ARMC8: variants seen among roughly 807,000 people sequenced by gnomAD.
ARMC8 encodes the protein armadillo repeat-containing protein 8.
In ARMC8, 20 loss-of-function variants were observed where a neutral mutation model predicts 99.3. The observed-to-expected ratio is 0.20, with a 90% CI of 0.14 to 0.29. The LOEUF is 0.29. Ranked by LOEUF, ARMC8 falls within the 10% of genes least tolerant of loss-of-function variation. The pLI is 1.00. For missense variants in ARMC8, 569 were observed against 809.5 expected, an observed-to-expected ratio of 0.70 and a Z score of 3.60; for synonymous variants, 263 against 278.3, an observed-to-expected ratio of 0.95 and a Z score of 0.55.
chr3:138,191,346 A>G (rs1477858693), intron 1 of ARMC8, among the ~76,000 whole-genome samples: 3 of 152,208 alleles, frequency 2.0e-5, no homozygotes, highest in Non-Finnish European at 2.9e-5. Flanking sequence ...ATACTTTTGA[A>G]TTATGTTGAT....
chr3:138,221,704 T>C (rs1162586915), intron 2 of ARMC8, among the ~76,000 whole-genome samples: 1 of 152,144 alleles, frequency 6.6e-6, no homozygotes, highest in Non-Finnish European at 1.5e-5. Context: ...TGGAAGTCTT[T>C]CGCCAGTACT....
At chr3:138,234,971 G>A (rs2046253900) in intron 6 of ARMC8, 63 bp from the exon 7 acceptor site, 16 of 1,331,480 alleles carry the variant, frequency 1.2e-5, no homozygotes, top group Non-Finnish European at 1.6e-5. Context: ...TTAAGTAAAT[G>A]TGGTTTTATT....
At chr3:138,262,380 TA>T in intron 12 of ARMC8, 1 of 814,168 alleles carries the variant, frequency 1.2e-6, no homozygotes, top group East Asian at 2.5e-5. Flanking sequence ...TTACCATTCC[TA>T]ATCTACAGCT....
At chr3:138,238,268 T>G (rs894830493) in intron 9 of ARMC8, 1 of 152,244 alleles carries the variant, frequency 6.6e-6, no homozygotes, top group African/African-American at 2.4e-5. Context: ...GGTTTCACCA[T>G]GTTGGTCAGG....
chr3:138,187,291 A>ACCGCTGC (rs1261443699), upstream of ARMC8: 8 of 421,422 alleles, frequency 1.9e-5, no homozygotes, highest in African/African-American at 1.2e-4. Flanking sequence ...GCATGCGGAA[A>ACCGCTGC]CCGCTGCCCG....
Position 138,239,479 on chromosome 3 carries a change from T to C in ARMC8, c.788T>C (p.Met263Thr). 3 of 1,600,536 alleles carry C rather than the reference T, an allele frequency of 1.9e-6. No individual in the cohort carries two copies. Among genetic ancestry groups the C allele is most frequent in the African/African-American group, 1.3e-5 (1 of 74,626 alleles). The change falls in exon 10 of 22, where the codon ATG becomes ACG. Residue 263 changes from methionine (M) to threonine (T), a missense_variant. This residue lies in a region of ARMC8 where 342 missense variants were observed against 391.6 expected (regional missense o/e 0.87). Coordinates refer to ENST00000469044, the MANE Select transcript of ARMC8 (RefSeq NM_001363941.2). ...QLTSAKCLTYMCRAGAIRTDD... is the reference protein window; with the variant it reads ...QLTSAKCLTYTCRAGAIRTDD... Reference sequence around the variant, plus strand: ...CTGTCTTATTCCAGTTTAACTTACATGTGTAGAGCTGGAGCAATTCGGACA... The same window carrying C: ...CTGTCTTATTCCAGTTTAACTTACACGTGTAGAGCTGGAGCAATTCGGACA...
intron 1 of ARMC8, among the ~76,000 whole-genome samples, chr3:138,207,024 G>C (rs1223497127): frequency 1.3e-5 from 2 of 152,194 alleles, no homozygotes; most frequent in Non-Finnish European, 2.9e-5. Flanking sequence ...AGCCTTTTGT[G>C]TTTTACATCC....
rs1472868830 is a variant in ARMC8 at position 138,235,056 on chromosome 3, T to C, written c.551T>C (p.Leu184Ser). The change falls in exon 7 of 22, where the codon TTA (leucine) becomes TCA (serine). Residue 184 changes from leucine to serine, a missense_variant. Leu to Ser is a moderately radical substitution (Grantham distance 145, BLOSUM62 -2). Around this residue, in one of 2 missense-constraint regions of ARMC8, gnomAD observed 342 missense variants for 391.6 expected, o/e 0.87. Coordinates refer to ENST00000469044, the MANE Select transcript of ARMC8 (RefSeq NM_001363941.2). ...CAGGGGCCAGATCATCAAACAATTT[T>C]ATTTAACCACGGTGCAGTTCAGAAT... ...CCKGPDHQTI[L>S]FNHGAVQNIA... The C allele has an allele frequency of 2.5e-6, 4 of 1,613,938 alleles. No homozygotes were observed. The highest frequency in any genetic ancestry group is 3.4e-6 in the Non-Finnish European group (4 of 1,179,874).
intron 1 of ARMC8, among the ~76,000 whole-genome samples, chr3:138,202,618 TAAAG>T (rs1169266487): frequency 1.3e-5 from 2 of 152,204 alleles, no homozygotes; most frequent in Non-Finnish European, 2.9e-5. Flanking sequence ...ATTTTATTAT[TAAAG>T]AAACAGTCTC....
At chr3:138,188,653 G>T in intron 1 of ARMC8, 3 of 1,308,348 alleles carry the variant, frequency 2.3e-6, no homozygotes, top group Non-Finnish European at 3.3e-6. Context: ...TAAATGACTT[G>T]TCGGGTTCCT....
chr3:138,215,633 C>A (rs2044981176), intron 2 of ARMC8, among the ~76,000 whole-genome samples: 1 of 152,074 alleles, frequency 6.6e-6, no homozygotes, highest in African/African-American at 2.4e-5. Flanking sequence ...GTGTTAATAT[C>A]TACCAAAATA....
At position 138,213,844 on chromosome 3, in the gene ARMC8, C is replaced by T. The variant is rs182508979; in HGVS notation, c.122+3951C>T. Among the ~76,000 whole-genome samples the T allele has an allele frequency of 1.7e-3, 266 of 152,166 alleles. 1 individual carries two copies. The highest frequency in any genetic ancestry group is 6.2e-3 in the African/African-American group (259 of 41,518). ...AAATTAGAGCACTTGATCTGGTTTT[C>T]ATGTTAGTGAATTTCAATGAAAAGA... On this transcript the variant is annotated intron_variant, in intron 2 of 21. Coordinates refer to ENST00000469044, the MANE Select transcript of ARMC8 (RefSeq NM_001363941.2).
chr3:138,200,965 T>TGC (rs1193117272), intron 1 of ARMC8, among the ~76,000 whole-genome samples: 6 of 138,616 alleles, frequency 4.3e-5, no homozygotes, highest in African/African-American at 1.6e-4. Context: ...CAGGCTGAAG[T>TGC]GCAGTGGCGT....
intron 21 of ARMC8, among the ~76,000 whole-genome samples, chr3:138,291,570 A>T (rs1337488554): frequency 6.6e-6 from 1 of 152,252 alleles, no homozygotes; most frequent in Non-Finnish European, 1.5e-5. Flanking sequence ...AAGATAGATG[A>T]TAAGCAAATG....
chr3:138,234,917 A>T, intron 6 of ARMC8, 117 bp from the exon 7 acceptor site: 1 of 756,980 alleles, frequency 1.3e-6, no homozygotes, highest in South Asian at 2.0e-5. Context: ...ATTTAAGCAA[A>T]GAGTAACAGG....
intron 10 of ARMC8, 64 bp from the exon 11 acceptor site, chr3:138,241,719 G>A (rs1177939647): frequency 7.4e-7 from 1 of 1,355,000 alleles, no homozygotes; most frequent in Non-Finnish European, 1.1e-6. Context: ...AGTTGATTCA[G>A]TCACTATATG....
chr3:138,272,526 G>T (rs1183275248), intron 16 of ARMC8, among the ~76,000 whole-genome samples: 1 of 152,180 alleles, frequency 6.6e-6, no homozygotes, highest in Non-Finnish European at 1.5e-5. Context: ...CAAGAATCAA[G>T]AAAATAGATT....
intron 3 of ARMC8, 70 bp from the exon 4 acceptor site, chr3:138,223,319 C>A: frequency 1.4e-6 from 2 of 1,459,534 alleles, no homozygotes; most frequent in Non-Finnish European, 1.9e-6. Flanking sequence ...GACTGCACAG[C>A]CTTTTTTGGT....
At chr3:138,201,546 C>T (rs2044080690) in intron 1 of ARMC8, among the ~76,000 whole-genome samples, 4 of 143,210 alleles carry the variant, frequency 2.8e-5, no homozygotes, top group Admixed American at 7.5e-5. Flanking sequence ...ACAGCAACCT[C>T]CACCTCCCGG....
Sources: gnomAD v4.1 joint callset for allele counts (sites outside exome capture counted in the v4.1 genomes callset) on GRCh38, gnomAD v4.1.1 for gene constraint, gnomAD v4.1.1 regional missense constraint, MANE v1.5 for transcripts, NCBI Gene and HGNC (gene_info 2026-07-23, HGNC 2026-07-21) for gene names.